The following CLDN10 variants were observed in gnomAD, a reference collection of about 807,000 sequenced individuals.
CLDN10 encodes the protein claudin 10.
In CLDN10, 15 loss-of-function variants were observed where a neutral mutation model predicts 22.9. The observed-to-expected ratio is 0.65, with a 90% CI of 0.44 to 1.01. The LOEUF (loss-of-function observed/expected upper bound fraction) is 1.01, where lower values mean the gene tolerates loss of function less well. Among genes scored for constraint, CLDN10 ranks in the 50% least tolerant of loss-of-function variants. The probability of loss-of-function intolerance (pLI) is 0.00; values close to 1 mark genes in which losing one functional copy is unlikely to be tolerated. For missense variants in CLDN10, 247 were observed against 287.8 expected (o/e 0.86, Z 1.03); for synonymous variants, 114 against 111.4 (o/e 1.02, Z -0.15).
chr13:95,449,706 T>G (rs1416772248), intron 1 of CLDN10, among the ~76,000 whole-genome samples: 1 of 151,670 alleles, frequency 6.6e-6, no homozygotes, highest in Non-Finnish European at 1.5e-5. Flanking sequence ...GCTGGGACTA[T>G]AGGTGCACAC....
At chr13:95,474,761 G>T (rs1011231142) in intron 1 of CLDN10, among the ~76,000 whole-genome samples, 1 of 152,162 alleles carries the variant, frequency 6.6e-6, no homozygotes, top group Admixed American at 6.5e-5. Context: ...ATTGATAAGT[G>T]CTCCAAGGAG....
At chr13:95,435,023 A>G (rs1293512627) in intron 1 of CLDN10, among the ~76,000 whole-genome samples, 1 of 152,220 alleles carries the variant, frequency 6.6e-6, no homozygotes, top group Admixed American at 6.5e-5. Context: ...TTATTTATCT[A>G]AGAATACATG....
rs540165393 is a variant in CLDN10 at position 95,483,643 on chromosome 13, A to C, written c.214+49596A>C. ...AGAAGCAGGAGTGGGCAGAGCAGTG[A>C]CGTTGAGCTACAACCCAAGGCTGAC... is the stretch of plus-strand genomic sequence containing the variant. On this transcript the variant is annotated intron_variant, in intron 1 of 4. Coordinates refer to the CLDN10 transcript ENST00000376873. Among the ~76,000 whole-genome samples, 6 of 152,342 alleles carry C rather than the reference A, an allele frequency of 3.9e-5. 1 individual carries two copies. The East Asian group carries it at 1.2e-3, about 29-fold the overall frequency.
chr13:95,463,227 T>C (rs2042550942), intron 1 of CLDN10, among the ~76,000 whole-genome samples: 1 of 145,706 alleles, frequency 6.9e-6, no homozygotes, highest in African/African-American at 2.5e-5. Context: ...CACATATATA[T>C]GTATGTATAT....
chr13:95,471,026 G>C (rs2042626021), intron 1 of CLDN10, among the ~76,000 whole-genome samples: 1 of 152,176 alleles, frequency 6.6e-6, no homozygotes, highest in South Asian at 2.1e-4. Context: ...AGACGAGAAA[G>C]GAGAGGTTAC....
intron 1 of CLDN10, among the ~76,000 whole-genome samples, chr13:95,497,376 G>A (rs1437567148): frequency 6.6e-6 from 1 of 152,154 alleles, no homozygotes; most frequent in Non-Finnish European, 1.5e-5. Context: ...GCAAGCATGA[G>A]CCAGGAATCA....
rs749196318 is a variant in CLDN10 at position 95,560,158 on chromosome 13, A to G, written c.247A>G (p.Met83Val). ...TTATATACAGGCATGTAGAGGACTT[A>G]TGATCGCTGCTGTCAGCCTGGGCTT... Reference protein sequence around the residue: ...DGYIQACRGLMIAAVSLGFFG... With the variant: ...DGYIQACRGLVIAAVSLGFFG... Residue 83 changes from methionine (M) to valine (V), a missense_variant, in exon 2 of 5, where the codon ATG (methionine) becomes GTG (valine). Met to Val is a conservative substitution (Grantham distance 21). Coordinates refer to ENST00000299339, the MANE Select transcript of CLDN10 (RefSeq NM_006984.5). 3.7e-6 allele frequency: 6 copies of G among 1,614,172 alleles called. No individual in the cohort carries two copies. Among genetic ancestry groups the G allele is most frequent in the Non-Finnish European group, 5.1e-6 (6 of 1,180,000 alleles).
intron 1 of CLDN10, among the ~76,000 whole-genome samples, chr13:95,511,696 T>A (rs1319755299): frequency 1.3e-5 from 2 of 150,452 alleles, no homozygotes; most frequent in Non-Finnish European, 3.0e-5. Flanking sequence ...ATATGAGCAA[T>A]GTGTTTGACC....
At chr13:95,473,524 G>A (rs2042656562) in intron 1 of CLDN10, among the ~76,000 whole-genome samples, 1 of 152,244 alleles carries the variant, frequency 6.6e-6, no homozygotes. Context: ...ACCACCCCAG[G>A]ATCCTTCAGT....
intron 3 of CLDN10, among the ~76,000 whole-genome samples, chr13:95,576,599 A>G (rs2043931064): frequency 6.6e-6 from 1 of 152,100 alleles, no homozygotes; most frequent in Admixed American, 6.5e-5. Flanking sequence ...AGCACTGTTC[A>G]TACCTTTGTT....
At chr13:95,546,434 T>G (rs374587719) in intron 1 of CLDN10, among the ~76,000 whole-genome samples, 1 of 152,110 alleles carries the variant, frequency 6.6e-6, no homozygotes, top group Admixed American at 6.5e-5. Context: ...ATAGTATCTA[T>G]TGCATGGAAT....
chr13:95,538,078 GACA>G (rs1409727501), intron 1 of CLDN10, among the ~76,000 whole-genome samples: 1 of 149,652 alleles, frequency 6.7e-6, no homozygotes, highest in East Asian at 2.0e-4. Context: ...GAACCAACAT[GACA>G]ACAAGAGCCA....
At chr13:95,456,258 T>G (rs893067534) in intron 1 of CLDN10, among the ~76,000 whole-genome samples, 24 of 152,200 alleles carry the variant, frequency 1.6e-4, no homozygotes, top group African/African-American at 5.3e-4. Flanking sequence ...TCCCTGTCTT[T>G]ACTTTCACAA....
chr13:95,490,465 T>C (rs2042861174), intron 1 of CLDN10, among the ~76,000 whole-genome samples: 1 of 152,192 alleles, frequency 6.6e-6, no homozygotes, highest in Non-Finnish European at 1.5e-5. Context: ...ATAGGCTGTG[T>C]CATTATTGTC....
chr13:95,575,589 T>TGGTG (rs1566346896), intron 3 of CLDN10, among the ~76,000 whole-genome samples: 1 of 99,336 alleles, frequency 1.0e-5, no homozygotes, highest in African/African-American at 3.2e-5. Context: ...GCTGCTCAGT[T>TGGTG]CGTGTGTGTG....
chr13:95,471,533 A>G (rs1236177513), intron 1 of CLDN10, among the ~76,000 whole-genome samples: 3 of 149,276 alleles, frequency 2.0e-5, no homozygotes, highest in Admixed American at 6.7e-5. Flanking sequence ...GCTCACTGCA[A>G]CCTCCACCTC....
intron 1 of CLDN10, among the ~76,000 whole-genome samples, chr13:95,534,240 T>C (rs1295140825): frequency 6.6e-6 from 1 of 152,140 alleles, no homozygotes; most frequent in Non-Finnish European, 1.5e-5. Flanking sequence ...CAGAAAGCAT[T>C]GGGTGTCTTT....
intron 1 of CLDN10, among the ~76,000 whole-genome samples, chr13:95,465,403 A>G (rs1566284061): frequency 6.6e-6 from 1 of 152,184 alleles, no homozygotes; most frequent in Non-Finnish European, 1.5e-5. Context: ...TAAAACCCTC[A>G]CTTATGGTAG....
At chr13:95,499,011 T>C (rs2042956137) in intron 1 of CLDN10, among the ~76,000 whole-genome samples, 1 of 152,214 alleles carries the variant, frequency 6.6e-6, no homozygotes, top group African/African-American at 2.4e-5. Context: ...TCACTTGGCA[T>C]AATGTCTTCA....
Sources: allele counts gnomAD v4.1 joint callset (sites outside exome capture counted in the v4.1 genomes callset), GRCh38; gene constraint gnomAD v4.1.1; transcripts MANE v1.5; gene names NCBI Gene and HGNC (gene_info 2026-07-23, HGNC 2026-07-21).